The following RAB1A variants were observed in gnomAD, a reference collection of about 807,000 sequenced individuals.
The protein encoded by RAB1A is ras-related protein Rab-1A.
In RAB1A, 2 loss-of-function variants were observed where a neutral mutation model predicts 26.0. The ratio of observed to expected loss-of-function variants is 0.08; its 90% CI spans 0.03 to 0.24. The LOEUF (loss-of-function observed/expected upper bound fraction) is 0.24, where lower values mean the gene tolerates loss of function less well. RAB1A is among the 10% of genes least tolerant of loss of function. The pLI, the probability that RAB1A is intolerant of heterozygous loss-of-function variation, is 1.00. For synonymous variants in RAB1A, 84 were observed against 84.9 expected (o/e 0.99, Z 0.06); for missense variants, 100 against 247.0 (o/e 0.40, Z 3.99).
In RAB1A at chr2:65,088,322, C is replaced by G; in HGVS notation, c.*171G>C. The G allele has an allele frequency of 1.8e-6, 1 of 555,936 alleles. No homozygotes were observed. The highest frequency in any genetic ancestry group is 3.1e-5 in the East Asian group (1 of 32,764). The allele number at this position is 555,936 out of a possible 1,614,324, so 34.4% of individuals were successfully genotyped here. ...GAAAATGAAGTTAGCTGTCTTGAGT[C>G]AAGGGAATAAAAAAAAAGTCAGTAT... On this transcript the variant is annotated 3_prime_UTR_variant, in exon 6 of 6. Coordinates refer to ENST00000409784, the MANE Select transcript of RAB1A (RefSeq NM_004161.5).
intron 1 of RAB1A, among the ~76,000 whole-genome samples, chr2:65,125,468 C>T (rs1670076787): frequency 7.1e-6 from 1 of 140,526 alleles, no homozygotes; most frequent in East Asian, 2.0e-4. Flanking sequence ...GTCCCTCAGG[C>T]TGGAGTGCAG....
At chr2:65,118,463 A>G (rs1669874226) in intron 1 of RAB1A, among the ~76,000 whole-genome samples, 1 of 152,030 alleles carries the variant, frequency 6.6e-6, no homozygotes, top group African/African-American at 2.4e-5. Context: ...GAGAAAGGCT[A>G]TTTTCCTTTT....
At chr2:65,111,983 T>G (rs992198423) in intron 1 of RAB1A, among the ~76,000 whole-genome samples, 1 of 151,778 alleles carries the variant, frequency 6.6e-6, no homozygotes, top group African/African-American at 2.4e-5. Context: ...CTCAGGAAGC[T>G]GAGGCAGGAG....
intron 5 of RAB1A, 115 bp downstream of exon 5, chr2:65,088,824 G>A (rs573629261): frequency 3.0e-6 from 4 of 1,335,298 alleles, no homozygotes; most frequent in Admixed American, 2.4e-5. Context: ...AATTGTCACT[G>A]TCACAGTATT....
chr2:65,118,028 C>T (rs1348775636), intron 1 of RAB1A, among the ~76,000 whole-genome samples: 2 of 152,162 alleles, frequency 1.3e-5, no homozygotes, highest in East Asian at 1.9e-4. Flanking sequence ...CCTCTGTTTC[C>T]TTGTTTGTAA....
chr2:65,114,045 C>A (rs1012889046), intron 1 of RAB1A: 2 of 325,196 alleles, frequency 6.2e-6, no homozygotes, highest in African/African-American at 2.2e-5. Flanking sequence ...TATCATAACA[C>A]AAATTACTTC....
At chr2:65,098,777 T>G (rs557949229) in intron 2 of RAB1A, among the ~76,000 whole-genome samples, 5 of 152,142 alleles carry the variant, frequency 3.3e-5, no homozygotes, top group African/African-American at 9.6e-5. Flanking sequence ...GTGTCTGTCT[T>G]CCTTCATTTA....
At chr2:65,093,703 A>G (rs1029447439) in intron 3 of RAB1A, among the ~76,000 whole-genome samples, 1 of 151,346 alleles carries the variant, frequency 6.6e-6, no homozygotes, top group Non-Finnish European at 1.5e-5. Flanking sequence ...GCTCACTGCA[A>G]TCTCCGCCTC....
In RAB1A at chr2:65,106,595, A is replaced by AT. The variant is rs1669566652; in HGVS notation, c.24-1790dup. ...TCTTTAATTATATATGAGGAAAATA[A>AT]TTTTTTAAAAATCCCAAGTGCCAGT... On this transcript the variant is annotated intron_variant, in intron 1 of 5. Transcript: ENST00000409784. Among the ~76,000 whole-genome samples, 3 of 135,454 alleles carry AT rather than the reference A, an allele frequency of 2.2e-5. No homozygotes were observed. In the South Asian group the frequency reaches 7.0e-4, roughly 32 times the overall value. The allele number at this position is 135,454 out of a possible 152,430, so 88.9% of individuals were successfully genotyped here. A position where few individuals can be genotyped will look rare whatever the true frequency, so the allele number is the denominator to read the frequency against.
chr2:65,090,222 C>T (rs944379280), intron 4 of RAB1A, among the ~76,000 whole-genome samples: 1 of 152,110 alleles, frequency 6.6e-6, no homozygotes, highest in Admixed American at 6.5e-5. Context: ...TCTAATGGCA[C>T]TGAATCTAAA....
At chr2:65,098,389 AT>A (rs1366730301) in intron 2 of RAB1A, among the ~76,000 whole-genome samples, 1 of 152,150 alleles carries the variant, frequency 6.6e-6, no homozygotes, top group Non-Finnish European at 1.5e-5. Flanking sequence ...ATAGAAAAAT[AT>A]TTTATATTTT....
intron 2 of RAB1A, among the ~76,000 whole-genome samples, chr2:65,104,316 G>T (rs1017576320): frequency 6.6e-6 from 1 of 151,974 alleles, no homozygotes; most frequent in African/African-American, 2.4e-5. Context: ...TCCACCCTCA[G>T]CACCCTGAGT....
chr2:65,103,304 A>AAAAAAAAAAAAAAAAAAAC lies in RAB1A; in HGVS notation c.96+1429_96+1430insGTTTTTTTTTTTTTTTTTT, dbSNP rs757626011. Among the ~76,000 whole-genome samples the AAAAAAAAAAAAAAAAAAAC allele has an allele frequency of 5.1e-3, 572 of 112,328 alleles. 15 individuals carry two copies. The highest frequency in any genetic ancestry group is 7.1e-3 in the Non-Finnish European group (387 of 54,828). 73.7% of individuals were successfully genotyped at this position (112,328 alleles called of 152,430 possible). ...AACACAGCCAGAATCTGTCTCAAAA[A>AAAAAAAAAAAAAAAAAAAC]AAAAAAAAAACATTGTTTTATGTGA... On this transcript the variant is annotated intron_variant, in intron 2 of 5. Transcript: ENST00000409784.
chr2:65,089,531 T>C (rs1669119726), intron 4 of RAB1A, among the ~76,000 whole-genome samples: 1 of 152,156 alleles, frequency 6.6e-6, no homozygotes, highest in South Asian at 2.1e-4. Flanking sequence ...TATATTAAAA[T>C]GACTATAAAT....
At position 65,129,831 on chromosome 2, in the gene RAB1A, C is replaced by T. The variant is rs891561443; in HGVS notation, c.23+62G>A. The T allele has an allele frequency of 2.6e-6, 4 of 1,562,884 alleles. No homozygotes were observed. The South Asian group carries it at 3.5e-5, about 14-fold the overall frequency. On this transcript the variant is annotated intron_variant, in intron 1 of 5. Coordinates refer to ENST00000409784, the MANE Select transcript of RAB1A (RefSeq NM_004161.5). ...CGACTTCTGCCCCAACCCTCCTCGA[C>T]CCCTTTAAGATCCCCCAAGCTGGCC...
chr2:65,111,536 G>C (rs890436888), intron 1 of RAB1A, among the ~76,000 whole-genome samples: 2 of 151,992 alleles, frequency 1.3e-5, no homozygotes, highest in African/African-American at 2.4e-5. Flanking sequence ...AATACAATAT[G>C]GTATACTGAA....
At chr2:65,100,141 C>G (rs1054248879) in intron 2 of RAB1A, among the ~76,000 whole-genome samples, 1 of 152,126 alleles carries the variant, frequency 6.6e-6, no homozygotes, top group Admixed American at 6.5e-5. Flanking sequence ...ATGGCTCACA[C>G]CTGTAATACC....
intron 1 of RAB1A, among the ~76,000 whole-genome samples, chr2:65,111,738 C>T (rs529037110): frequency 1.3e-5 from 2 of 152,188 alleles, no homozygotes; most frequent in East Asian, 3.9e-4. Context: ...TTCAGTAAAT[C>T]TAAATTTAGT....
chr2:65,099,585 T>C (rs1669370775), intron 2 of RAB1A, among the ~76,000 whole-genome samples: 1 of 152,238 alleles, frequency 6.6e-6, no homozygotes. Context: ...ATTAGCCCTA[T>C]GCAGCTTGTG....
Sources: gnomAD v4.1 joint callset for allele counts (sites outside exome capture counted in the v4.1 genomes callset) on GRCh38, gnomAD v4.1.1 for gene constraint, MANE v1.5 for transcripts, NCBI Gene and HGNC (gene_info 2026-07-23, HGNC 2026-07-21) for gene names.